Variants in INSC observed in about 807,000 individuals in gnomAD.
INSC encodes INSC spindle orientation adaptor protein, also known as protein inscuteable homolog.
A neutral mutation model predicts 58.6 loss-of-function variants in INSC; 67 were observed. The observed-to-expected ratio is 1.14, with a 90% CI of 0.94 to 1.40. The LOEUF (loss-of-function observed/expected upper bound fraction) is 1.40, where lower values mean the gene tolerates loss of function less well. Ranked by LOEUF, INSC falls within the 40% of genes most tolerant of loss-of-function variation. INSC has a pLI of 0.00. For synonymous variants in INSC, 262 were observed against 276.1 expected (o/e 0.95, Z 0.51); for missense variants, 714 against 692.0 (o/e 1.03, Z -0.36).
chr11:15,203,907 G>T (rs749198685), intron 7 of INSC, among the ~76,000 whole-genome samples: 1 of 151,736 alleles, frequency 6.6e-6, no homozygotes, highest in African/African-American at 2.4e-5. Flanking sequence ...TGTGAAATTC[G>T]AAGTTCAGCC....
intron 8 of INSC, among the ~76,000 whole-genome samples, chr11:15,222,878 G>T (rs527605168): frequency 3.3e-5 from 5 of 152,180 alleles, no homozygotes; most frequent in African/African-American, 1.2e-4. Context: ...GCTCGAGGGA[G>T]CTCAAGAGAC....
intron 9 of INSC, among the ~76,000 whole-genome samples, chr11:15,228,270 G>T (rs1851716589): frequency 6.6e-6 from 1 of 152,178 alleles, no homozygotes; most frequent in Non-Finnish European, 1.5e-5. Flanking sequence ...CTGTCTCTAT[G>T]TGTAGAAGTC....
chr11:15,128,032 T>C lies in INSC; in HGVS notation c.-46+13029T>C, dbSNP rs534095515. 2.9e-4 allele frequency among the ~76,000 whole-genome samples: 44 copies of C among 152,190 alleles called. 1 individual carries two copies. In the South Asian group the frequency reaches 9.1e-3, roughly 32 times the overall value. On this transcript the variant is annotated intron_variant, in intron 1 of 12. Coordinates refer to ENST00000379556, the MANE Select transcript of INSC (RefSeq NM_001042536.3). ...GTGAAAGAAAGAACTTGAGTTCTAA[T>C]CTGGGTTCTACCACAAATTTGCTGT...
chr11:15,239,114 G>T, intron 11 of INSC, 40 bp downstream of exon 11: 1 of 1,583,234 alleles, frequency 6.3e-7, no homozygotes, highest in Middle Eastern at 2.1e-4. Context: ...GTGGAGTGGG[G>T]GTATTGGGGG....
chr11:15,154,404 G>C (rs986126419), intron 2 of INSC, among the ~76,000 whole-genome samples: 3 of 152,276 alleles, frequency 2.0e-5, no homozygotes, highest in Middle Eastern at 3.4e-3. Context: ...GGAGGGAAAG[G>C]GTAAGCCAGA....
intron 5 of INSC, among the ~76,000 whole-genome samples, chr11:15,178,747 A>ACTTTC (rs1374566430): frequency 7.2e-5 from 11 of 152,060 alleles, no homozygotes; most frequent in Non-Finnish European, 1.5e-4. Flanking sequence ...AGCATCTCCC[A>ACTTTC]ATTCTACTTT....
At chr11:15,147,214 T>G (rs1848514814) in intron 1 of INSC, among the ~76,000 whole-genome samples, 1 of 152,160 alleles carries the variant, frequency 6.6e-6, no homozygotes, top group African/African-American at 2.4e-5. Flanking sequence ...TTGTTCCTAG[T>G]TTTTCTTTTG....
intron 6 of INSC, among the ~76,000 whole-genome samples, chr11:15,197,472 G>A (rs1247962489): frequency 6.6e-6 from 1 of 152,200 alleles, no homozygotes; most frequent in Non-Finnish European, 1.5e-5. Context: ...GCCCTGCACA[G>A]CATCCTCACC....
intron 12 of INSC, among the ~76,000 whole-genome samples, chr11:15,245,540 C>CT (rs1332139113): frequency 6.6e-6 from 1 of 152,150 alleles, no homozygotes. Context: ...CTCTTTTCCT[C>CT]TTTTTTCCAT....
At chr11:15,261,641 C>T in the INSC span, among the ~76,000 whole-genome samples, 1 of 152,112 alleles carries the variant, frequency 6.6e-6, no homozygotes, top group Non-Finnish European at 1.5e-5. Flanking sequence ...ATTTTGGAGT[C>T]CAAAGTTTGA....
intron 7 of INSC, among the ~76,000 whole-genome samples, chr11:15,204,860 C>A (rs553372995): frequency 2.0e-5 from 3 of 152,224 alleles, no homozygotes; most frequent in Non-Finnish European, 4.4e-5. Context: ...TGTTGTGCAG[C>A]TTCCCCCTCC....
rs546570551 is a variant in INSC, at chr11:15,164,067, C to T, written c.57-11674C>T. ...ATTTCCTTTCTGATAATTTATGCTT[C>T]TTGTTCCTGTTTTTTATAATTTCCT... On this transcript the variant is annotated intron_variant, in intron 2 of 12. Coordinates refer to ENST00000379556, the MANE Select transcript of INSC (RefSeq NM_001042536.3). Among the ~76,000 whole-genome samples the T allele has an allele frequency of 3.5e-3, 530 of 152,136 alleles. 3 individuals carry two copies. Among genetic ancestry groups the T allele is most frequent in the African/African-American group, 0.012 (495 of 41,554 alleles).
upstream of INSC, among the ~76,000 whole-genome samples, chr11:15,113,008 A>G (rs1847603308): frequency 6.6e-6 from 1 of 152,120 alleles, no homozygotes; most frequent in Admixed American, 6.6e-5. Flanking sequence ...AGGATGCAAA[A>G]CAGGTTTCTT....
the INSC span, among the ~76,000 whole-genome samples, chr11:15,268,004 C>T: frequency 6.6e-6 from 1 of 152,114 alleles, no homozygotes; most frequent in South Asian, 2.1e-4. Flanking sequence ...TCTTGGACTC[C>T]TAATACCATC....
In INSC at chr11:15,221,617, G is replaced by A. The variant is rs1446411563; in HGVS notation, c.960G>A (p.Glu320=). The A allele has an allele frequency of 2.5e-6, 4 of 1,613,462 alleles. No homozygotes were observed. The highest frequency in any genetic ancestry group is 1.6e-4 in the Middle Eastern group (1 of 6,084). Residue 320 remains glutamate, a synonymous_variant, in exon 8 of 13, where the codon GAG becomes GAA. Coordinates refer to ENST00000379556, the MANE Select transcript of INSC (RefSeq NM_001042536.3). ...PVTQHLSSFL[E]SMEEIVTALV... is the part of the protein sequence containing the mutation. ...CCCAGCACCTCAGTAGCTTCCTGGA[G>A]AGCATGGAGGAGATCGTGACAGCCC...
intron 2 of INSC, among the ~76,000 whole-genome samples, chr11:15,149,678 C>T (rs1345871495): frequency 2.0e-5 from 3 of 152,092 alleles, no homozygotes; most frequent in African/African-American, 4.8e-5. Flanking sequence ...AAGGCACATA[C>T]TGAGAAGAAG....
At chr11:15,229,989 A>AT (rs1432682050) in intron 9 of INSC, among the ~76,000 whole-genome samples, 1 of 30,284 alleles carries the variant, frequency 3.3e-5, no homozygotes, top group Non-Finnish European at 5.3e-5. Flanking sequence ...TTATATATAT[A>AT]TATATATATA....
At chr11:15,234,803 C>A (rs1452765104) in intron 9 of INSC, among the ~76,000 whole-genome samples, 1 of 152,112 alleles carries the variant, frequency 6.6e-6, no homozygotes, top group South Asian at 2.1e-4. Context: ...TTTTGGCACC[C>A]TTTTGCAGTT....
At chr11:15,216,408 C>G (rs1037001420) in intron 7 of INSC, among the ~76,000 whole-genome samples, 5 of 152,204 alleles carry the variant, frequency 3.3e-5, no homozygotes, top group African/African-American at 4.8e-5. Flanking sequence ...CTCACTTTCT[C>G]TCTGTCTCAC....
Sources: gnomAD v4.1 joint callset for allele counts (sites outside exome capture counted in the v4.1 genomes callset) on GRCh38, gnomAD v4.1.1 for gene constraint, MANE v1.5 for transcripts, NCBI Gene and HGNC (gene_info 2026-07-23, HGNC 2026-07-21) for gene names.